Variants in EFR3B observed in about 807,000 individuals in gnomAD.
EFR3B encodes EFR3 homolog B, also known as protein EFR3 homolog B.
In EFR3B, 64 loss-of-function variants were observed where a neutral mutation model predicts 104.7. That is an observed-to-expected ratio of 0.61 (90% CI 0.50 to 0.75). EFR3B has a LOEUF of 0.75. EFR3B is among the 30% of genes least tolerant of loss of function. EFR3B has a pLI of 0.00. For synonymous variants in EFR3B, 385 were observed against 417.9 expected, an observed-to-expected ratio of 0.92 and a Z score of 0.96; for missense variants, 750 against 1,078.5, an observed-to-expected ratio of 0.70 and a Z score of 4.27.
intron 2 of EFR3B, among the ~76,000 whole-genome samples, chr2:25,092,364 G>A (rs2043761): frequency 0.055 from 8,242 of 148,842 alleles, 309 homozygotes; most frequent in Non-Finnish European, 0.085. Context: ...CACCACACCC[G>A]GCCTGGGTGG....
intron 4 of EFR3B, among the ~76,000 whole-genome samples, chr2:25,119,911 CT>C (rs896824399): frequency 6.6e-6 from 1 of 152,110 alleles, no homozygotes; most frequent in African/African-American, 2.4e-5. Flanking sequence ...TAACTAGATA[CT>C]TTTGGGAAGA....
rs918710578 is a variant in EFR3B, at chr2:25,092,878, G to A, written c.85-125G>A. On this transcript the variant is annotated intron_variant, in intron 2 of 22. Transcript: ENST00000403714. ...CTGCCTGTCTCTGAAACCCACATGT[G>A]CTCCGGCACATCCATAAAGGACACT... 1.2e-5 allele frequency: 15 copies of A among 1,236,298 alleles called. No homozygotes were observed. The African/African-American group carries it at 2.3e-4, about 19-fold the overall frequency. The allele number at this position is 1,236,298 out of a possible 1,614,324, so 76.6% of individuals were successfully genotyped here. A position where few individuals can be genotyped will look rare whatever the true frequency, so the allele number is the denominator to read the frequency against.
intron 1 of EFR3B, among the ~76,000 whole-genome samples, chr2:25,084,127 C>T (rs1668883532): frequency 6.6e-6 from 1 of 152,106 alleles, no homozygotes; most frequent in African/African-American, 2.4e-5. Flanking sequence ...CTTAATGCCT[C>T]AGTTTTCTCA....
intron 1 of EFR3B, among the ~76,000 whole-genome samples, chr2:25,088,359 A>G (rs1439445756): frequency 6.6e-6 from 1 of 152,154 alleles, no homozygotes; most frequent in South Asian, 2.1e-4. Context: ...GCCTTGGGGA[A>G]GTGGCACGTG....
chr2:25,124,630 C>T (rs924365342), intron 5 of EFR3B, among the ~76,000 whole-genome samples: 2 of 150,874 alleles, frequency 1.3e-5, no homozygotes, highest in Admixed American at 6.6e-5. Context: ...ATCCCAGCTA[C>T]TCGGGAGGCT....
At position 25,081,452 on chromosome 2, in the gene EFR3B, G is replaced by C. The variant is rs187999328; in HGVS notation, c.8-9873G>C. 4.2e-5 allele frequency: 60 copies of C among 1,437,464 alleles called. No individual in the cohort carries two copies. In the Middle Eastern group the frequency reaches 1.2e-3, roughly 29 times the overall value. 89.0% of individuals were successfully genotyped at this position (1,437,464 alleles called of 1,614,324 possible). A position where few individuals can be genotyped will look rare whatever the true frequency, so the allele number is the denominator to read the frequency against. On this transcript the variant is annotated intron_variant, in intron 1 of 22. Coordinates refer to ENST00000403714, the MANE Select transcript of EFR3B (RefSeq NM_014971.2). ...TTGGCAATTGCATAAGCTTCATCTG[G>C]TGATTTTGCCACATATCCTTTGGAA...
At chr2:25,107,524 T>G (rs1669599224) in intron 4 of EFR3B, among the ~76,000 whole-genome samples, 1 of 152,144 alleles carries the variant, frequency 6.6e-6, no homozygotes, top group Non-Finnish European at 1.5e-5. Flanking sequence ...GTCTCTATAT[T>G]TTTGCTTCCC....
Position 25,068,829 on chromosome 2 carries a change from C to T in EFR3B, c.8-22496C>T, listed in dbSNP as rs548962597. Among the ~76,000 whole-genome samples, 32 of 152,056 alleles carry T rather than the reference C, an allele frequency of 2.1e-4. No homozygotes were observed. The South Asian group carries it at 5.6e-3, about 27-fold the overall frequency. On this transcript the variant is annotated intron_variant, in intron 1 of 22. Coordinates refer to ENST00000403714, the MANE Select transcript of EFR3B (RefSeq NM_014971.2). ...TGTTTTTAGTAGCGATGGGGTTTCA[C>T]CGTGTTAGCCAGGATGGTCTCTATC...
In EFR3B at chr2:25,093,019, C is replaced by A; in HGVS notation, c.101C>A (p.Thr34Asn). The A allele has an allele frequency of 6.5e-7, 1 of 1,547,304 alleles. No homozygotes were observed. The highest frequency in any genetic ancestry group is 8.7e-7 in the Non-Finnish European group (1 of 1,146,938). Residue 34 changes from threonine to asparagine, a missense_variant, in exon 3 of 23, where the codon ACC becomes AAC. Transcript: ENST00000403714. ...CTCCTACAGGATGGTCTGGTGAAGA[C>A]CAACATGGAGAAGCTGACCTTCTAT... The part of the protein sequence containing the change: ...PEDPEDGLVK[T>N]NMEKLTFYAL...
rs556274445 is a variant in EFR3B at position 25,082,360 on chromosome 2, C to T, written c.8-8965C>T. On this transcript the variant is annotated intron_variant, in intron 1 of 22. Coordinates refer to ENST00000403714, the MANE Select transcript of EFR3B (RefSeq NM_014971.2). The stretch of plus-strand genomic sequence containing the variant: ...TTGGGCAGACAGGAGGAACTCTGAC[C>T]CAGGCTCCCTGATGCCCAGTATGTC... Among the ~76,000 whole-genome samples, 5 of 152,286 alleles carry T rather than the reference C, an allele frequency of 3.3e-5. No individual in the cohort carries two copies. In the South Asian group the frequency reaches 1.0e-3, roughly 32 times the overall value.
intron 1 of EFR3B, among the ~76,000 whole-genome samples, chr2:25,075,905 G>T (rs964875796): frequency 7.2e-5 from 11 of 152,132 alleles, no homozygotes; most frequent in African/African-American, 2.7e-4. Flanking sequence ...CTCGGGTAGG[G>T]TCTCACTCTG....
At chr2:25,142,505 C>T (rs371768560) in intron 17 of EFR3B, among the ~76,000 whole-genome samples, 1 of 149,474 alleles carries the variant, frequency 6.7e-6, no homozygotes, top group African/African-American at 2.5e-5. Context: ...GTAATCCCAG[C>T]ACTAGCACTT....
chr2:25,131,278 T>C lies in EFR3B; in HGVS notation c.850-90T>C. 1 of 1,489,436 alleles carries C rather than the reference T, an allele frequency of 6.7e-7. No homozygotes were observed. The highest frequency in any genetic ancestry group is 9.0e-7 in the Non-Finnish European group (1 of 1,113,912). The allele number at this position is 1,489,436 out of a possible 1,614,324, so 92.3% of individuals were successfully genotyped here. On this transcript the variant is annotated intron_variant, in intron 8 of 22. Coordinates refer to ENST00000403714, the MANE Select transcript of EFR3B (RefSeq NM_014971.2). This position sits in a 1 kb window ranked among gnomAD's most constrained non-coding sequence, Gnocchi z 7.6. ...GGGGCCTTGGAACGTCCCTTTAGTT[T>C]ACCCCCGCCTTTGGGTGCCAGGAGA...
At chr2:25,150,376 T>G (rs1271093554) in intron 20 of EFR3B, among the ~76,000 whole-genome samples, 1 of 151,738 alleles carries the variant, frequency 6.6e-6, no homozygotes, top group African/African-American at 2.4e-5. Flanking sequence ...TTTGGTTTAT[T>G]TGGTGAAGTG....
intron 4 of EFR3B, among the ~76,000 whole-genome samples, chr2:25,119,550 C>T (rs754354349): frequency 2.6e-4 from 40 of 152,228 alleles, no homozygotes; most frequent in Non-Finnish European, 4.7e-4. Context: ...TGTACGTAAT[C>T]GATGATCTTG....
chr2:25,085,673 C>G (rs1334128179), intron 1 of EFR3B, among the ~76,000 whole-genome samples: 1 of 151,948 alleles, frequency 6.6e-6, no homozygotes, highest in Non-Finnish European at 1.5e-5. Flanking sequence ...CCATGTTGGC[C>G]AGGCTGGTCT....
intron 19 of EFR3B, 93 bp from the exon 20 acceptor site, chr2:25,149,601 C>A: frequency 4.5e-6 from 6 of 1,340,254 alleles, no homozygotes; most frequent in Non-Finnish European, 6.3e-6. Context: ...TTTCTTCCAA[C>A]AAGCAAGGGG....
intron 2 of EFR3B, 79 bp downstream of exon 2, chr2:25,091,480 C>A: frequency 1.5e-6 from 2 of 1,335,806 alleles, no homozygotes; most frequent in Non-Finnish European, 1.0e-6. Flanking sequence ...GGAAGCCAGG[C>A]CTCCTGCCGG....
chr2:25,080,995 T>C (rs901351158), intron 1 of EFR3B: 38 of 757,322 alleles, frequency 5.0e-5, no homozygotes, highest in Non-Finnish European at 8.4e-5. Flanking sequence ...ACAGGTTCTT[T>C]AATTGCATCA....
Sources: gnomAD v4.1 joint callset for allele counts (sites outside exome capture counted in the v4.1 genomes callset) on GRCh38, gnomAD v4.1.1 for gene constraint, Gnocchi (gnomAD v3.1) non-coding constraint, MANE v1.5 for transcripts, NCBI Gene and HGNC (gene_info 2026-07-23, HGNC 2026-07-21) for gene names.